PCDHGA4: variants seen among roughly 807,000 people sequenced by gnomAD.
PCDHGA4 encodes protocadherin gamma-A4.
A neutral mutation model predicts 54.6 loss-of-function variants in PCDHGA4; 38 were observed. That is an observed-to-expected ratio of 0.70 (90% confidence interval 0.54 to 0.91). The LOEUF (loss-of-function observed/expected upper bound fraction) is 0.91, where lower values mean the gene tolerates loss of function less well. PCDHGA4 is among the 40% of genes least tolerant of loss of function. The pLI is 0.00. For synonymous variants in PCDHGA4, 511 were observed against 512.9 expected (o/e 1.00, Z 0.05); for missense variants, 1,298 against 1,220.9 (o/e 1.06, Z -0.94).
In PCDHGA4 at chr5:141,454,484, G is replaced by A. The variant is rs555881095; in HGVS notation, c.2515-40323G>A. On this transcript the variant is annotated intron_variant, in intron 1 of 3. Transcript: ENST00000571252. The stretch of plus-strand genomic sequence containing the variant: ...TGCAATGGCATGATCTCAGCTCACC[G>A]CAACCTCCACCTCCTGGATTCAGGC... Among the ~76,000 whole-genome samples, 7 of 152,218 alleles carry A rather than the reference G, an allele frequency of 4.6e-5. No individual in the cohort carries two copies. In the East Asian group the frequency reaches 7.7e-4, roughly 17 times the overall value.
At chr5:141,380,956 A>G (rs1776884378) in intron 1 of PCDHGA4, among the ~76,000 whole-genome samples, 1 of 152,252 alleles carries the variant, frequency 6.6e-6, no homozygotes, top group African/African-American at 2.4e-5. Context: ...CAAGAAGTTC[A>G]AAAGTACTAT....
At chr5:141,461,979 A>C (rs1420971777) in intron 1 of PCDHGA4, among the ~76,000 whole-genome samples, 1 of 152,144 alleles carries the variant, frequency 6.6e-6, no homozygotes, top group Non-Finnish European at 1.5e-5. Context: ...ATATGCCACC[A>C]CGCCAGGCTA....
chr5:141,389,111 C>G (rs752785695), intron 1 of PCDHGA4: 8 of 1,614,008 alleles, frequency 5.0e-6, no homozygotes, highest in Non-Finnish European at 6.8e-6. Flanking sequence ...CTGTTCTAGA[C>G]CGCGAGCAGA....
At chr5:141,359,130 A>G (rs1042094168) in intron 1 of PCDHGA4, among the ~76,000 whole-genome samples, 2 of 152,228 alleles carry the variant, frequency 1.3e-5, no homozygotes, top group South Asian at 4.1e-4. Context: ...TGCAATACAT[A>G]GAGTAAGCTG....
chr5:141,437,820 C>T (rs973577605), intron 1 of PCDHGA4, among the ~76,000 whole-genome samples: 4 of 151,904 alleles, frequency 2.6e-5, no homozygotes, highest in Non-Finnish European at 5.9e-5. Flanking sequence ...TCACTGCAAC[C>T]TCTGCCTCCT....
intron 1 of PCDHGA4, chr5:141,410,801 A>T: frequency 3.4e-6 from 2 of 587,936 alleles, no homozygotes; most frequent in South Asian, 3.5e-5. Context: ...AAGTTGCTCT[A>T]TCTTTTTGTA....
Position 141,489,772 on chromosome 5 carries a change from T to C in PCDHGA4, c.2515-5035T>C, listed in dbSNP as rs1327700197. 6.2e-7 allele frequency: 1 copy of C among 1,614,154 alleles called. No individual in the cohort carries two copies. The highest frequency in any genetic ancestry group is 8.5e-7 in the Non-Finnish European group (1 of 1,179,994). ...TTACACTCTAAGCCCCAACAGCCAC[T>C]TCTCTCTGAATGTGAAGACCCTAAA... On this transcript the variant is annotated intron_variant, in intron 1 of 3. Coordinates refer to ENST00000571252, the MANE Select transcript of PCDHGA4 (RefSeq NM_018917.4). This position sits in a 1 kb window ranked among gnomAD's most constrained non-coding sequence, Gnocchi z 4.5.
chr5:141,394,661 C>T (rs1471316947), intron 1 of PCDHGA4: 1 of 1,613,378 alleles, frequency 6.2e-7, no homozygotes, highest in Non-Finnish European at 8.5e-7. Flanking sequence ...AGCCGGGACT[C>T]TTCTCGGTGG....
intron 1 of PCDHGA4, chr5:141,360,067 T>C: frequency 1.4e-6 from 2 of 1,466,818 alleles, no homozygotes; most frequent in Non-Finnish European, 1.8e-6. Flanking sequence ...AAAGTGACCT[T>C]AGCCCGGATT....
chr5:141,489,208 C>A lies in PCDHGA4; in HGVS notation c.2515-5599C>A. On this transcript the variant is annotated intron_variant, in intron 1 of 3. Coordinates refer to ENST00000571252, the MANE Select transcript of PCDHGA4 (RefSeq NM_018917.4). The surrounding 1 kb of genome is among the most constrained non-coding windows in gnomAD (Gnocchi z 4.5). The stretch of plus-strand genomic sequence containing the variant: ...GGTCTACCTTGGAGACAGGACAGCA[C>A]AGACTTACTCTCCACAAAGGGACTT... 1 of 1,451,152 alleles carries A rather than the reference C, an allele frequency of 6.9e-7. No individual in the cohort carries two copies. The highest frequency in any genetic ancestry group is 9.3e-7 in the Non-Finnish European group (1 of 1,072,112). 89.9% of individuals were successfully genotyped at this position (1,451,152 alleles called of 1,614,324 possible).
intron 1 of PCDHGA4, among the ~76,000 whole-genome samples, chr5:141,439,221 T>G (rs145700274): frequency 1.2e-3 from 182 of 151,852 alleles, no homozygotes; most frequent in African/African-American, 4.3e-3. Flanking sequence ...ATGTGAAAAT[T>G]CTTAGAAGCT....
At chr5:141,421,565 A>G (rs1373619696) in intron 1 of PCDHGA4, 1 of 1,613,952 alleles carries the variant, frequency 6.2e-7, no homozygotes, top group Admixed American at 1.7e-5. Context: ...CTCGTGGAAG[A>G]CACCTTGAAG....
rs1474643025 is a variant in PCDHGA4 at position 141,370,777 on chromosome 5, AC to A, written c.2514+13157del. 10 of 1,613,896 alleles carry A rather than the reference AC, an allele frequency of 6.2e-6. No homozygotes were observed. The African/African-American group carries it at 1.2e-4, about 19-fold the overall frequency. ...ACTGTGCTGATCCAGGATATTAACG[AC>A]AACCCACCGACCTTTAGCCAAAATA... On this transcript the variant is annotated intron_variant, in intron 1 of 3. Transcript: ENST00000571252.
In PCDHGA4 at chr5:141,355,427, C is replaced by A. The variant is rs778595998; in HGVS notation, c.320C>A (p.Ala107Asp). Residue 107 changes from alanine (A) to aspartate (D), a missense_variant, in exon 1 of 4, where the codon GCC (alanine) becomes GAC (aspartate). Transcript: ENST00000571252. ...IVSRGRTQLF[A>D]LNPRSGTLVT... ...TCCAGAGGTAGGACGCAGCTTTTCG[C>A]CCTGAACCCGCGCAGCGGCACCTTG... 6.2e-7 allele frequency: 1 copy of A among 1,614,082 alleles called. No individual in the cohort carries two copies. Among genetic ancestry groups the A allele is most frequent in the Admixed American group, 1.7e-5 (1 of 60,032 alleles).
chr5:141,463,814 C>T (rs1359662651), intron 1 of PCDHGA4, among the ~76,000 whole-genome samples: 7 of 152,188 alleles, frequency 4.6e-5, no homozygotes, highest in African/African-American at 1.7e-4. Flanking sequence ...GCTTTTATCA[C>T]ACATTTTGAT....
rs747671382 is a variant in PCDHGA4, at chr5:141,444,152, A to ATTTT, written c.2515-50622_2515-50619dup. Among the ~76,000 whole-genome samples the ATTTT allele has an allele frequency of 5.0e-4, 17 of 33,898 alleles. 5 individuals carry two copies. Among genetic ancestry groups the ATTTT allele is most frequent in the African/African-American group, 7.0e-4 (5 of 7,184 alleles). 22.2% of individuals were successfully genotyped at this position (33,898 alleles called of 152,430 possible). ...GATATGTGTCACTTGTGTGTACTGG[A>ATTTT]TTTTTTTTTTTTTTTTTTTTTTTTT... On this transcript the variant is annotated intron_variant, in intron 1 of 3. Transcript: ENST00000571252.
chr5:141,361,046 A>G, intron 1 of PCDHGA4: 1 of 1,613,710 alleles, frequency 6.2e-7, no homozygotes, highest in East Asian at 2.2e-5. Context: ...ATCACGACAA[A>G]GGATGATTTG....
intron 1 of PCDHGA4, chr5:141,384,561 C>A (rs778010622): frequency 3.1e-6 from 5 of 1,614,254 alleles, no homozygotes; most frequent in South Asian, 1.1e-5. Context: ...TCGTGCTGGA[C>A]CAGAATGACA....
At chr5:141,404,142 CAGA>C (rs781433913) in intron 1 of PCDHGA4, 21 of 1,612,668 alleles carry the variant, frequency 1.3e-5, no homozygotes, top group Middle Eastern at 1.6e-4. Context: ...TTAGAAAATT[CAGA>C]AGAAGATTAT....
Sources: gnomAD v4.1 joint callset for allele counts (sites outside exome capture counted in the v4.1 genomes callset) on GRCh38, gnomAD v4.1.1 for gene constraint, Gnocchi (gnomAD v3.1) non-coding constraint, MANE v1.5 for transcripts, NCBI Gene and HGNC (gene_info 2026-07-23, HGNC 2026-07-21) for gene names.